TOP6BL: variants seen among roughly 807,000 people sequenced by gnomAD.
TOP6BL encodes the protein TOP6B like initiator of meiotic double strand breaks, also known as type 2 DNA topoisomerase 6 subunit B-like.
At chr11:66,796,369 G>A in the TOP6BL span, 1 of 1,598,432 alleles carries the variant, frequency 6.3e-7, no homozygotes, top group Non-Finnish European at 8.6e-7. Flanking sequence ...CCTAAGGTAA[G>A]CTGTTCCTTT....
chr11:66,843,231 C>A, the TOP6BL span: 7 of 1,609,302 alleles, frequency 4.3e-6, no homozygotes, highest in South Asian at 7.7e-5. Context: ...GCCCTGGGCC[C>A]TGAGCCGGGT....
the TOP6BL span, among the ~76,000 whole-genome samples, chr11:66,797,799 T>C: frequency 6.6e-6 from 1 of 152,048 alleles, no homozygotes; most frequent in Non-Finnish European, 1.5e-5. Flanking sequence ...GCCATCATCA[T>C]GCCTGGCCAA....
chr11:66,776,657 G>T, the TOP6BL span, among the ~76,000 whole-genome samples: 1 of 151,968 alleles, frequency 6.6e-6, no homozygotes, highest in Admixed American at 6.5e-5. Context: ...AAGTATATTT[G>T]CAATAGTTTT....
the TOP6BL span, among the ~76,000 whole-genome samples, chr11:66,836,681 C>T: frequency 7.7e-5 from 11 of 142,200 alleles, no homozygotes; most frequent in South Asian, 2.1e-3. Flanking sequence ...AGTGAGACCT[C>T]GTCACTACAG....
the TOP6BL span, among the ~76,000 whole-genome samples, chr11:66,791,569 A>G: frequency 6.6e-5 from 10 of 152,182 alleles, no homozygotes; most frequent in Admixed American, 1.3e-4. Flanking sequence ...TCATGACTGT[A>G]TAAGTTCATA....
chr11:66,773,469 A>C, the TOP6BL span, among the ~76,000 whole-genome samples: 1 of 151,552 alleles, frequency 6.6e-6, no homozygotes, highest in South Asian at 2.1e-4. Flanking sequence ...TTATCTTTCT[A>C]ATGTTTGTAG....
chr11:66,758,302 C>CCTTTTTTTT, the TOP6BL span: 1 of 67,318 alleles, frequency 1.5e-5, no homozygotes, highest in Non-Finnish European at 2.5e-5. Context: ...TTTTCTTTTT[C>CCTTTTTTTT]TTTTTTTTTT....
the TOP6BL span, chr11:66,758,017 C>A: frequency 2.1e-6 from 1 of 476,766 alleles, no homozygotes; most frequent in Non-Finnish European, 2.7e-6. Context: ...AACCTTATTT[C>A]CCTGTCTGAA....
the TOP6BL span, among the ~76,000 whole-genome samples, chr11:66,752,936 C>T: frequency 2.0e-5 from 3 of 151,934 alleles, no homozygotes; most frequent in African/African-American, 7.3e-5. Flanking sequence ...TGAGACCAGC[C>T]TGGGCGACAC....
chr11:66,775,462 A>G, the TOP6BL span, among the ~76,000 whole-genome samples: 1 of 152,152 alleles, frequency 6.6e-6, no homozygotes, highest in African/African-American at 2.4e-5. Flanking sequence ...TTGCCCTATG[A>G]GTATAAGGCT....
chr11:66,834,949 G>A, the TOP6BL span, among the ~76,000 whole-genome samples: 1 of 147,904 alleles, frequency 6.8e-6, no homozygotes, highest in Non-Finnish European at 1.5e-5. Flanking sequence ...TATATGTAGG[G>A]ACTGAGAACT....
the TOP6BL span, among the ~76,000 whole-genome samples, chr11:66,799,275 A>T: frequency 6.6e-6 from 1 of 150,908 alleles, no homozygotes; most frequent in Non-Finnish European, 1.5e-5. Flanking sequence ...AGTCCCAGCT[A>T]CTCAGGAGGC....
the TOP6BL span, among the ~76,000 whole-genome samples, chr11:66,822,344 C>T: frequency 6.6e-6 from 1 of 151,590 alleles, no homozygotes; most frequent in African/African-American, 2.4e-5. Flanking sequence ...GTGTCTGTGT[C>T]AGTAAGTCAC....
At chr11:66,788,153 C>T in the TOP6BL span, 107 of 1,589,380 alleles carry the variant, frequency 6.7e-5, no homozygotes, top group Non-Finnish European at 8.8e-5. Flanking sequence ...CATTTCTTCT[C>T]ACACAGAAAT....
the TOP6BL span, among the ~76,000 whole-genome samples, chr11:66,753,814 C>T: frequency 6.6e-6 from 1 of 152,134 alleles, no homozygotes; most frequent in Admixed American, 6.6e-5. Context: ...AAGTGATTCT[C>T]CTGCCTCAGC....
the TOP6BL span, chr11:66,762,295 G>A: frequency 4.6e-6 from 2 of 438,598 alleles, no homozygotes; most frequent in Admixed American, 4.0e-5. Flanking sequence ...CACAGCCGGG[G>A]CGCCGGCCAG....
the TOP6BL span, chr11:66,842,809 G>A: frequency 1.3e-6 from 2 of 1,518,352 alleles, no homozygotes; most frequent in Non-Finnish European, 1.8e-6. Flanking sequence ...CCTAGCACAG[G>A]GCCATGAAAG....
the TOP6BL span, among the ~76,000 whole-genome samples, chr11:66,823,037 G>T: frequency 6.6e-6 from 1 of 150,792 alleles, no homozygotes; most frequent in Admixed American, 6.6e-5. Flanking sequence ...GCTCATGCCT[G>T]TAATCCCAGC....
At chr11:66,799,939 G>C in the TOP6BL span, among the ~76,000 whole-genome samples, 6 of 151,882 alleles carry the variant, frequency 4.0e-5, no homozygotes, top group African/African-American at 1.5e-4. Context: ...AAAGTAGCTG[G>C]GTGTAGTGGC....
Sources: gnomAD v4.1 joint callset for allele counts (sites outside exome capture counted in the v4.1 genomes callset) on GRCh38, gnomAD v4.1.1 for gene constraint, MANE v1.5 for transcripts, NCBI Gene and HGNC (gene_info 2026-07-23, HGNC 2026-07-21) for gene names.